HSBP1L1: variants seen among roughly 807,000 people sequenced by gnomAD.
The protein encoded by HSBP1L1 is heat shock factor-binding protein 1-like protein 1.
Under a neutral mutation model 9.7 loss-of-function variants are expected in HSBP1L1, and 8 were observed. The observed-to-expected ratio is 0.82, with a 90% CI of 0.48 to 1.48. The LOEUF (loss-of-function observed/expected upper bound fraction) is 1.48, where lower values mean the gene tolerates loss of function less well. Among genes scored for constraint, HSBP1L1 ranks in the 40% most tolerant of loss-of-function variants. HSBP1L1 has a pLI of 0.00. For missense variants in HSBP1L1, 106 were observed against 95.8 expected, an observed-to-expected ratio of 1.11 and a Z score of -0.44; for synonymous variants, 39 against 34.4, an observed-to-expected ratio of 1.13 and a Z score of -0.46.
intron 1 of HSBP1L1, 62 bp downstream of exon 1, chr18:79,964,848 T>A: frequency 7.0e-6 from 1 of 142,020 alleles, no homozygotes; most frequent in Non-Finnish European, 1.3e-5. Flanking sequence ...TTCTGGGGGG[T>A]TTTGAGGTCC....
chr18:79,964,643 A>T lies in HSBP1L1; in HGVS notation c.-93A>T. On this transcript the variant is annotated 5_prime_UTR_variant, in exon 1 of 4. Coordinates refer to ENST00000451882, the MANE Select transcript of HSBP1L1 (RefSeq NM_001136180.2). ...TCCGCCCGAGGCCTCCCGGCGGCCC[A>T]TACGGGAATCGCGGAGCTTAGCTGT... is the stretch of plus-strand genomic sequence containing the variant. 3 of 688,906 alleles carry T rather than the reference A, an allele frequency of 4.4e-6. No individual in the cohort carries two copies. Among genetic ancestry groups the T allele is most frequent in the Non-Finnish European group, 6.6e-6 (3 of 453,856 alleles). The allele number at this position is 688,906 out of a possible 1,614,324, so 42.7% of individuals were successfully genotyped here. A position where few individuals can be genotyped will look rare whatever the true frequency, so the allele number is the denominator to read the frequency against.
At position 79,966,684 on chromosome 18, in the gene HSBP1L1, C is replaced by A; in HGVS notation, c.118+6C>A. 1 of 1,530,586 alleles carries A rather than the reference C, an allele frequency of 6.5e-7. No individual in the cohort carries two copies. Among genetic ancestry groups the A allele is most frequent in the East Asian group, 2.5e-5 (1 of 40,816 alleles). 94.8% of individuals were successfully genotyped at this position (1,530,586 alleles called of 1,614,324 possible). On this transcript the variant is annotated splice_donor_region_variant and intron_variant, in intron 2 of 3. Coordinates refer to ENST00000451882, the MANE Select transcript of HSBP1L1 (RefSeq NM_001136180.2). ...GGCAACATTAAACCTCAGAAATATC[C>A]TTTTCTACCTTTAACAAATGCTGTG...
intron 1 of HSBP1L1, among the ~76,000 whole-genome samples, chr18:79,965,570 G>C (rs1404866574): frequency 6.6e-6 from 1 of 152,210 alleles, no homozygotes; most frequent in Non-Finnish European, 1.5e-5. Flanking sequence ...TGGGACGTCA[G>C]TCTGTAAACT....
intron 1 of HSBP1L1, among the ~76,000 whole-genome samples, chr18:79,966,315 G>T (rs1371245930): frequency 6.6e-6 from 1 of 152,110 alleles, no homozygotes; most frequent in Non-Finnish European, 1.5e-5. Context: ...AGGTCAAGGT[G>T]GGCAGATCAC....
intron 2 of HSBP1L1, 44 bp from the exon 3 acceptor site, chr18:79,968,045 C>T (rs2298644): frequency 0.67 from 831,497 of 1,242,466 alleles, 283,900 homozygotes; most frequent in Non-Finnish European, 0.7. Context: ...TGTGCCTCGG[C>T]GGCTCTGGAC....
intron 3 of HSBP1L1, chr18:79,970,100 C>T: frequency 4.0e-6 from 1 of 248,926 alleles, no homozygotes. Context: ...ACAGACGAGG[C>T]AAGGCTTGGC....
chr18:79,970,814 G>T lies in HSBP1L1; in HGVS notation c.*363G>T. 1 of 209,690 alleles carries T rather than the reference G, an allele frequency of 4.8e-6. No individual in the cohort carries two copies. Among genetic ancestry groups the T allele is most frequent in the Non-Finnish European group, 9.7e-6 (1 of 102,894 alleles). 13.0% of individuals were successfully genotyped at this position (209,690 alleles called of 1,614,324 possible). On this transcript the variant is annotated 3_prime_UTR_variant, in exon 4 of 4. Coordinates refer to ENST00000451882, the MANE Select transcript of HSBP1L1 (RefSeq NM_001136180.2). Reference sequence around the variant, plus strand: ...AAATATACAATAAACTTACAAATGTGGAATGTAATTATTTTATCTTTTTCT... The same window carrying T: ...AAATATACAATAAACTTACAAATGTTGAATGTAATTATTTTATCTTTTTCT...
intron 3 of HSBP1L1, among the ~76,000 whole-genome samples, chr18:79,969,713 C>T (rs1024668235): frequency 3.3e-5 from 5 of 151,184 alleles, no homozygotes; most frequent in African/African-American, 1.2e-4. Flanking sequence ...AGTCTTAAAG[C>T]AGTATGTCAG....
In HSBP1L1 at chr18:79,968,091, G is replaced by C; in HGVS notation, c.121G>C (p.Glu41Gln). The change falls in exon 3 of 4, where the codon GAA becomes CAA. Residue 41 changes from glutamate (E) to glutamine (Q), a missense_variant and splice_region_variant. Glu to Gln is a conservative substitution (Grantham distance 29, BLOSUM62 2). Coordinates refer to ENST00000451882, the MANE Select transcript of HSBP1L1 (RefSeq NM_001136180.2). ...CGCAGAGCGCCTTAACACTGTACTG[G>C]AAGAAATGGGAAATCGCATTGAGGA... ...ALTATLNLRMEEMGNRIEDLQ... is the reference protein window; with the variant it reads ...ALTATLNLRMQEMGNRIEDLQ... 6.5e-7 allele frequency: 1 copy of C among 1,545,906 alleles called. No individual in the cohort carries two copies. Among genetic ancestry groups the C allele is most frequent in the Non-Finnish European group, 8.8e-7 (1 of 1,141,862 alleles).
In HSBP1L1 at chr18:79,970,780, A is replaced by G. The variant is rs1202280871; in HGVS notation, c.*329A>G. 2.9e-5 allele frequency: 8 copies of G among 271,320 alleles called. No individual in the cohort carries two copies. Among genetic ancestry groups the G allele is most frequent in the Non-Finnish European group, 5.0e-5 (7 of 140,666 alleles). 16.8% of individuals were successfully genotyped at this position (271,320 alleles called of 1,614,324 possible). A position where few individuals can be genotyped will look rare whatever the true frequency, so the allele number is the denominator to read the frequency against. ...GGCAGACTAATACAATATGCAACAC[A>G]TTTACAATAAATATACAATAAACTT... On this transcript the variant is annotated 3_prime_UTR_variant, in exon 4 of 4. Coordinates refer to ENST00000451882, the MANE Select transcript of HSBP1L1 (RefSeq NM_001136180.2).
chr18:79,970,394 C>T lies in HSBP1L1; in HGVS notation c.214-46C>T, dbSNP rs954401822. On this transcript the variant is annotated intron_variant, in intron 3 of 3. Transcript: ENST00000451882. ...AAATCAGGGGTGAACATACTTAATA[C>T]ACCTGATAGGAGTTACGGCCTGAAC... 7.0e-6 allele frequency: 5 copies of T among 718,354 alleles called. No individual in the cohort carries two copies. In the African/African-American group the frequency reaches 7.0e-5, roughly 10 times the overall value. The allele number at this position is 718,354 out of a possible 1,614,324, so 44.5% of individuals were successfully genotyped here.
In HSBP1L1 at chr18:79,968,188, G is replaced by C; in HGVS notation, c.213+5G>C. On this transcript the variant is annotated splice_donor_5th_base_variant and intron_variant, in intron 3 of 3. Coordinates refer to ENST00000451882, the MANE Select transcript of HSBP1L1 (RefSeq NM_001136180.2). ...AATTCTATTAAAGAACAAATGGTAA[G>C]GTTATTAGCAAACTATGTCAACCGT... 1 of 1,494,186 alleles carries C rather than the reference G, an allele frequency of 6.7e-7. No homozygotes were observed. The highest frequency in any genetic ancestry group is 1.2e-5 in the South Asian group (1 of 82,066). The allele number at this position is 1,494,186 out of a possible 1,614,324, so 92.6% of individuals were successfully genotyped here.
intron 1 of HSBP1L1, 78 bp downstream of exon 1, chr18:79,964,864 G>T (rs1485508255): frequency 8.5e-6 from 2 of 235,332 alleles, no homozygotes; most frequent in South Asian, 7.9e-5. Flanking sequence ...GGTCCTGGGG[G>T]GGGAGCCTGC....
At chr18:79,970,148 T>C (rs1346083414) in intron 3 of HSBP1L1, 2 of 346,426 alleles carry the variant, frequency 5.8e-6, no homozygotes, top group Non-Finnish European at 5.5e-6. Flanking sequence ...TTATCCTCTG[T>C]TGCTGGCTGT....
In HSBP1L1 at chr18:79,969,380, AAAGAAAGAAAG is replaced by A. The variant is rs1280187957; in HGVS notation, c.214-1057_214-1047del. ...GAAAGAAAGAAAGAAAGAAAGAAAGAAAGAAAGAAAGAAAAAAAAACGATGCAGAATAGCGC... is the reference window on the plus strand; with the variant it reads ...GAAAGAAAGAAAGAAAGAAAGAAAGAAAAAAAAAACGATGCAGAATAGCGC... On this transcript the variant is annotated intron_variant, in intron 3 of 3. Coordinates refer to ENST00000451882, the MANE Select transcript of HSBP1L1 (RefSeq NM_001136180.2). Among the ~76,000 whole-genome samples the A allele has an allele frequency of 1.2e-3, 65 of 55,546 alleles. 2 individuals carry two copies. Among genetic ancestry groups the A allele is most frequent in the Middle Eastern group, 7.2e-3 (1 of 138 alleles). The allele number at this position is 55,546 out of a possible 152,430, so 36.4% of individuals were successfully genotyped here. A position where few individuals can be genotyped will look rare whatever the true frequency, so the allele number is the denominator to read the frequency against.
chr18:79,966,209 G>A (rs2145033709), intron 1 of HSBP1L1, among the ~76,000 whole-genome samples: 1 of 152,164 alleles, frequency 6.6e-6, no homozygotes, highest in South Asian at 2.1e-4. Context: ...GGGATTACAG[G>A]CGTGAGCCAC....
At chr18:79,967,780 GAGTT>G (rs2051265177) in intron 2 of HSBP1L1, 1 of 238,930 alleles carries the variant, frequency 4.2e-6, no homozygotes, top group East Asian at 1.0e-4. Context: ...AAACAAAAAA[GAGTT>G]AATTCCATTA....
In HSBP1L1 at chr18:79,968,067, G is replaced by A. The variant is rs570932337; in HGVS notation, c.119-22G>A. On this transcript the variant is annotated intron_variant, in intron 2 of 3. Coordinates refer to ENST00000451882, the MANE Select transcript of HSBP1L1 (RefSeq NM_001136180.2). The stretch of plus-strand genomic sequence containing the variant: ...CGGCGGCTCTGGACTCCAGCTCTAC[G>A]CAGAGCGCCTTAACACTGTACTGGA... 141 of 1,481,342 alleles carry A rather than the reference G, an allele frequency of 9.5e-5. 2 individuals are homozygous for A. In the South Asian group the frequency reaches 1.2e-3, roughly 13 times the overall value. The allele number at this position is 1,481,342 out of a possible 1,614,324, so 91.8% of individuals were successfully genotyped here. A position where few individuals can be genotyped will look rare whatever the true frequency, so the allele number is the denominator to read the frequency against.
chr18:79,965,970 C>T (rs1469637542), intron 1 of HSBP1L1, among the ~76,000 whole-genome samples: 1 of 152,046 alleles, frequency 6.6e-6, no homozygotes, highest in Non-Finnish European at 1.5e-5. Context: ...GTCACTCTGT[C>T]GCCCAGGCTG....
Sources: allele counts gnomAD v4.1 joint callset (sites outside exome capture counted in the v4.1 genomes callset), GRCh38; gene constraint gnomAD v4.1.1; transcripts MANE v1.5; gene names NCBI Gene and HGNC (gene_info 2026-07-23, HGNC 2026-07-21).